SGCZ: variants seen among roughly 807,000 people sequenced by gnomAD.
SGCZ encodes the protein sarcoglycan zeta, also known as zeta-sarcoglycan.
In SGCZ, 40 loss-of-function variants were observed where a neutral mutation model predicts 41.3. That is an observed-to-expected ratio of 0.97 (90% CI 0.75 to 1.26). The LOEUF (loss-of-function observed/expected upper bound fraction) is 1.26. Among genes scored for constraint, SGCZ ranks in the 50% most tolerant of loss-of-function variants. The pLI is 0.00. For synonymous variants in SGCZ, 206 were observed against 137.5 expected (o/e 1.50, Z -3.49); for missense variants, 552 against 369.8 (o/e 1.49, Z -4.04).
intron 1 of SGCZ, among the ~76,000 whole-genome samples, chr8:14,633,528 T>C (rs1283927626): frequency 6.6e-6 from 1 of 151,566 alleles, no homozygotes; most frequent in African/African-American, 2.4e-5. Flanking sequence ...TTCCTTTCTT[T>C]CTAACTAGAA....
chr8:14,490,576 G>T (rs1015266509), intron 2 of SGCZ, among the ~76,000 whole-genome samples: 8 of 152,096 alleles, frequency 5.3e-5, no homozygotes, highest in Admixed American at 1.3e-4. Context: ...GAGTATAAAA[G>T]ATCACTTTCA....
At chr8:14,348,773 A>T (rs900741207) in intron 2 of SGCZ, among the ~76,000 whole-genome samples, 2 of 152,206 alleles carry the variant, frequency 1.3e-5, no homozygotes, top group Admixed American at 1.3e-4. Context: ...CTAAGAATAT[A>T]TCATTCAGCA....
chr8:14,495,103 C>T (rs1205649292), intron 2 of SGCZ, among the ~76,000 whole-genome samples: 4 of 152,148 alleles, frequency 2.6e-5, no homozygotes, highest in Non-Finnish European at 4.4e-5. Context: ...TGTTTCGTAC[C>T]TCTCAAGGAA....
intron 1 of SGCZ, among the ~76,000 whole-genome samples, chr8:14,958,932 T>A (rs567768360): frequency 2.0e-5 from 3 of 152,056 alleles, no homozygotes; most frequent in African/African-American, 7.2e-5. Flanking sequence ...ATAGACAGAT[T>A]CTCTAAAACT....
intron 4 of SGCZ, among the ~76,000 whole-genome samples, chr8:14,225,747 A>G (rs1448641639): frequency 1.3e-5 from 2 of 152,128 alleles, no homozygotes; most frequent in Non-Finnish European, 2.9e-5. Flanking sequence ...GCCAACAGCA[A>G]TGATGGCCAC....
At chr8:14,957,640 G>A (rs973812529) in intron 1 of SGCZ, among the ~76,000 whole-genome samples, 1 of 151,782 alleles carries the variant, frequency 6.6e-6, no homozygotes, top group Non-Finnish European at 1.5e-5. Context: ...CAGATATATT[G>A]TTTTAAAGCT....
At chr8:14,184,019 T>C (rs1470896894) in intron 4 of SGCZ, among the ~76,000 whole-genome samples, 2 of 152,168 alleles carry the variant, frequency 1.3e-5, no homozygotes, top group Admixed American at 6.5e-5. Flanking sequence ...ATCGATTTTA[T>C]ATTAGAAAAC....
chr8:14,599,614 G>T (rs1421284621), intron 1 of SGCZ, among the ~76,000 whole-genome samples: 1 of 152,076 alleles, frequency 6.6e-6, no homozygotes, highest in Non-Finnish European at 1.5e-5. Context: ...GCTGGAAAAT[G>T]GCTTCTCATC....
chr8:15,010,023 G>A (rs1042223220), intron 1 of SGCZ, among the ~76,000 whole-genome samples: 1 of 152,044 alleles, frequency 6.6e-6, no homozygotes, highest in Non-Finnish European at 1.5e-5. Flanking sequence ...ATATGTGTTA[G>A]TGTATATTTT....
intron 2 of SGCZ, among the ~76,000 whole-genome samples, chr8:14,334,357 ATAT>A (rs1454599904): frequency 6.6e-6 from 1 of 152,104 alleles, no homozygotes; most frequent in African/African-American, 2.4e-5. Context: ...TAAAACTGAC[ATAT>A]TTTTTTCCTC....
intron 1 of SGCZ, among the ~76,000 whole-genome samples, chr8:14,683,317 C>T (rs972619908): frequency 6.6e-6 from 1 of 152,038 alleles, no homozygotes; most frequent in Non-Finnish European, 1.5e-5. Flanking sequence ...TTTAAGGTGG[C>T]ATCAACCGTT....
At chr8:15,203,895 C>T (rs928952213) in intron 1 of SGCZ, among the ~76,000 whole-genome samples, 1 of 152,114 alleles carries the variant, frequency 6.6e-6, no homozygotes, top group Admixed American at 6.6e-5. Context: ...ATTTATTCTA[C>T]TTTATGTGTT....
At chr8:14,580,468 T>A (rs1034546456) in intron 1 of SGCZ, among the ~76,000 whole-genome samples, 1 of 152,094 alleles carries the variant, frequency 6.6e-6, no homozygotes, top group Non-Finnish European at 1.5e-5. Context: ...ATTATTCTTA[T>A]CATAATTATC....
At chr8:14,878,568 G>T (rs1490412404) in intron 1 of SGCZ, among the ~76,000 whole-genome samples, 1 of 152,042 alleles carries the variant, frequency 6.6e-6, no homozygotes, top group African/African-American at 2.4e-5. Context: ...GTTGAATGTC[G>T]ATATCTTCCA....
intron 1 of SGCZ, among the ~76,000 whole-genome samples, chr8:15,180,695 C>A (rs1457792925): frequency 6.6e-6 from 1 of 151,944 alleles, no homozygotes; most frequent in Non-Finnish European, 1.5e-5. Flanking sequence ...ACCATCCTGG[C>A]TAACATGTTG....
At chr8:15,004,784 A>C (rs547065651) in intron 1 of SGCZ, among the ~76,000 whole-genome samples, 1 of 152,314 alleles carries the variant, frequency 6.6e-6, no homozygotes, top group South Asian at 2.1e-4. Context: ...GAAAACTAGT[A>C]AATTGTAAAG....
At chr8:14,429,005 A>T (rs1263495373) in intron 2 of SGCZ, among the ~76,000 whole-genome samples, 1 of 152,184 alleles carries the variant, frequency 6.6e-6, no homozygotes, top group Non-Finnish European at 1.5e-5. Context: ...CTTCTAAAAC[A>T]GCTGATTTAT....
intron 2 of SGCZ, among the ~76,000 whole-genome samples, chr8:14,354,635 A>G (rs1488110696): frequency 6.6e-6 from 1 of 151,770 alleles, no homozygotes; most frequent in African/African-American, 2.4e-5. Flanking sequence ...TCTACATAAT[A>G]TAAAATTCCT....
intron 7 of SGCZ, among the ~76,000 whole-genome samples, chr8:14,093,061 G>A (rs942586160): frequency 6.6e-6 from 1 of 152,020 alleles, no homozygotes; most frequent in South Asian, 2.1e-4. Context: ...GAAAAAAAAC[G>A]GATCTTGAAT....
Sources: allele counts gnomAD v4.1 joint callset (sites outside exome capture counted in the v4.1 genomes callset), GRCh38; gene constraint gnomAD v4.1.1; transcripts MANE v1.5; gene names NCBI Gene and HGNC (gene_info 2026-07-23, HGNC 2026-07-21).